The following SV2C variants were observed in gnomAD, a reference collection of about 807,000 sequenced individuals.
SV2C encodes the protein solute carrier family 22 member B3.
A neutral mutation model predicts 79.7 loss-of-function variants in SV2C; 49 were observed. The ratio of observed to expected loss-of-function variants is 0.61; its 90% CI spans 0.49 to 0.78. SV2C has a LOEUF of 0.78. SV2C is among the 30% of genes least tolerant of loss of function. SV2C has a pLI of 0.00. For missense variants in SV2C, 833 were observed against 912.9 expected, an observed-to-expected ratio of 0.91 and a Z score of 1.13; for synonymous variants, 334 against 333.2, an observed-to-expected ratio of 1.00 and a Z score of -0.03.
chr5:75,871,371 G>T, the SV2C span, among the ~76,000 whole-genome samples: 9 of 152,196 alleles, frequency 5.9e-5, no homozygotes, highest in East Asian at 1.7e-3. Flanking sequence ...ACTATATTTA[G>T]ATGGGAAAAA....
chr5:76,093,174 A>C (rs1747435666), intron 1 of SV2C, among the ~76,000 whole-genome samples: 1 of 152,182 alleles, frequency 6.6e-6, no homozygotes, highest in African/African-American at 2.4e-5. Flanking sequence ...ATCAGAAAGA[A>C]TATTTCTAAT....
intron 4 of SV2C, among the ~76,000 whole-genome samples, chr5:76,228,054 C>T (rs969356380): frequency 1.5e-5 from 2 of 136,706 alleles, no homozygotes; most frequent in African/African-American, 5.0e-5. Context: ...CTCTCTATCT[C>T]TCTCTCTCTC....
At chr5:75,911,431 C>T in the SV2C span, 5 of 1,000,496 alleles carry the variant, frequency 5.0e-6, no homozygotes, top group Non-Finnish European at 7.6e-6. Flanking sequence ...GCCTCCTCCA[C>T]CCAGAGCCAC....
the SV2C span, among the ~76,000 whole-genome samples, chr5:76,045,143 T>A: frequency 1.6e-4 from 25 of 152,344 alleles, no homozygotes; most frequent in South Asian, 4.8e-3. Context: ...CTAACCAGTT[T>A]TCCCAGCACC....
At chr5:76,103,734 T>C (rs2112123712) in intron 1 of SV2C, among the ~76,000 whole-genome samples, 1 of 152,344 alleles carries the variant, frequency 6.6e-6, no homozygotes, top group East Asian at 1.9e-4. Context: ...ACCTCACAGT[T>C]CTAGGAGATT....
the SV2C span, among the ~76,000 whole-genome samples, chr5:75,961,174 A>C: frequency 6.6e-6 from 1 of 152,046 alleles, no homozygotes; most frequent in Non-Finnish European, 1.5e-5. Flanking sequence ...ATGGTAAGCT[A>C]TGGTTTCTGT....
chr5:75,910,380 T>C, the SV2C span: 1 of 576,220 alleles, frequency 1.7e-6, no homozygotes, highest in Admixed American at 1.9e-5. Flanking sequence ...TCCTCATGAC[T>C]ATCCCACTCA....
chr5:75,903,608 A>ACAGTCTTGT, the SV2C span, among the ~76,000 whole-genome samples: 1 of 152,316 alleles, frequency 6.6e-6, no homozygotes, highest in East Asian at 1.9e-4. Flanking sequence ...TTCAGCCTGC[A>ACAGTCTTGT]CAGTCTTGTT....
At chr5:75,868,059 A>G in the SV2C span, among the ~76,000 whole-genome samples, 4 of 152,246 alleles carry the variant, frequency 2.6e-5, no homozygotes, top group Non-Finnish European at 2.9e-5. Flanking sequence ...AGGAACATTT[A>G]TGAAGGGCCA....
intron 12 of SV2C, among the ~76,000 whole-genome samples, chr5:76,346,711 A>T (rs12153255): frequency 6.6e-6 from 1 of 152,344 alleles, no homozygotes; most frequent in East Asian, 1.9e-4. Context: ...TACACATAGC[A>T]GACACAAAAC....
At chr5:75,897,926 G>T in the SV2C span, among the ~76,000 whole-genome samples, 2 of 128,222 alleles carry the variant, frequency 1.6e-5, no homozygotes, top group Non-Finnish European at 1.7e-5. Context: ...TTTGTATCCT[G>T]AGACTTTGCT....
intron 12 of SV2C, among the ~76,000 whole-genome samples, chr5:76,345,359 A>G (rs1057130985): frequency 1.3e-5 from 2 of 152,222 alleles, no homozygotes; most frequent in African/African-American, 4.8e-5. Flanking sequence ...GGTGCTGGAG[A>G]CAGGCAGGGT....
At chr5:76,194,695 C>T (rs951582139) in intron 2 of SV2C, among the ~76,000 whole-genome samples, 2 of 152,166 alleles carry the variant, frequency 1.3e-5, no homozygotes, top group African/African-American at 4.8e-5. Context: ...AAACAGCATC[C>T]CTGCATTATT....
chr5:76,112,402 C>T (rs1368951776), intron 1 of SV2C, among the ~76,000 whole-genome samples: 2 of 152,130 alleles, frequency 1.3e-5, no homozygotes, highest in Non-Finnish European at 2.9e-5. Flanking sequence ...ACAGCAAGTG[C>T]AAAGGGCTGG....
At chr5:75,893,544 G>A in the SV2C span, among the ~76,000 whole-genome samples, 1 of 152,160 alleles carries the variant, frequency 6.6e-6, no homozygotes, top group South Asian at 2.1e-4. Flanking sequence ...TAAACATTGG[G>A]TACTCATGGA....
chr5:76,314,947 TAAAC>T (rs1748568886), intron 12 of SV2C, among the ~76,000 whole-genome samples: 1 of 152,144 alleles, frequency 6.6e-6, no homozygotes, highest in African/African-American at 2.4e-5. Context: ...GTTAATCAGA[TAAAC>T]AAGACATAAA....
At chr5:75,976,624 T>C in the SV2C span, among the ~76,000 whole-genome samples, 1 of 152,120 alleles carries the variant, frequency 6.6e-6, no homozygotes, top group Non-Finnish European at 1.5e-5. Context: ...GCTTTTAATC[T>C]TAATGTCAAA....
the SV2C span, among the ~76,000 whole-genome samples, chr5:76,003,310 G>A: frequency 6.6e-6 from 1 of 152,144 alleles, no homozygotes; most frequent in Non-Finnish European, 1.5e-5. Context: ...TGAGGTGGGA[G>A]TGTGGGCTAC....
Position 76,298,804 on chromosome 5 carries a change from G to A in SV2C, c.1513G>A (p.Val505Ile), listed in dbSNP as rs778645466. Residue 505 changes from valine (V) to isoleucine (I), a missense_variant, in exon 10 of 13, where the codon GTC becomes ATC. Val to Ile is a conservative substitution (Grantham distance 29). Coordinates refer to ENST00000502798, the MANE Select transcript of SV2C (RefSeq NM_014979.4). ...CTGTGTGTTGGGCAGATTCATAGGG[G>A]TCAAGTTCAAATCTGTAACTTTCAA... The part of the protein sequence containing the change: ...MEYDNGRFIG[V>I]KFKSVTFKDS... The A allele has an allele frequency of 1.5e-5, 25 of 1,613,638 alleles. No homozygotes were observed. The highest frequency in any genetic ancestry group is 3.3e-4 in the Middle Eastern group (2 of 6,078).
Sources: allele counts gnomAD v4.1 joint callset (sites outside exome capture counted in the v4.1 genomes callset), GRCh38; gene constraint gnomAD v4.1.1; transcripts MANE v1.5; gene names NCBI Gene and HGNC (gene_info 2026-07-23, HGNC 2026-07-21).